ELF1: variants seen among roughly 807,000 people sequenced by gnomAD.
ELF1 encodes the protein E74 like ETS transcription factor 1, also known as ETS-related transcription factor Elf-1.
In ELF1, 24 loss-of-function variants were observed where a neutral mutation model predicts 59.9. That is an observed-to-expected ratio of 0.40 (90% confidence interval 0.29 to 0.56). The LOEUF (loss-of-function observed/expected upper bound fraction) is 0.56, where lower values mean the gene tolerates loss of function less well. Among genes scored for constraint, ELF1 ranks in the 20% least tolerant of loss-of-function variants. The pLI is 0.44. For synonymous variants in ELF1, 248 were observed against 266.2 expected, an observed-to-expected ratio of 0.93 and a Z score of 0.67; for missense variants, 627 against 742.2, an observed-to-expected ratio of 0.84 and a Z score of 1.80.
intron 3 of ELF1, among the ~76,000 whole-genome samples, chr13:40,953,622 T>G (rs1167732911): frequency 2.0e-5 from 3 of 152,236 alleles, no homozygotes; most frequent in Non-Finnish European, 4.4e-5. Context: ...ACTCAGTCTG[T>G]GGTACTTTCT....
intron 2 of ELF1, among the ~76,000 whole-genome samples, chr13:40,962,679 C>CA (rs542393144): frequency 0.046 from 3,189 of 68,992 alleles, 66 homozygotes; most frequent in African/African-American, 0.09. Flanking sequence ...AAGACTGTCT[C>CA]AAAAAAAAAA....
chr13:41,008,300 A>T (rs1287166496), intron 1 of ELF1, among the ~76,000 whole-genome samples: 1 of 152,204 alleles, frequency 6.6e-6, no homozygotes, highest in Non-Finnish European at 1.5e-5. Context: ...TCAGAATTGG[A>T]TATCTGGCAG....
intron 1 of ELF1, among the ~76,000 whole-genome samples, chr13:41,000,765 G>A (rs548666670): frequency 1.2e-4 from 18 of 152,032 alleles, no homozygotes; most frequent in Non-Finnish European, 2.4e-4. Context: ...AACATGTACA[G>A]TATACTGCTT....
At chr13:40,981,837 TATA>T (rs1873289009) in intron 2 of ELF1, 143 bp downstream of exon 2, 3 of 926,154 alleles carry the variant, frequency 3.2e-6, no homozygotes, top group Non-Finnish European at 3.1e-6. Context: ...TAAAACATAG[TATA>T]ATATTTCCTC....
At chr13:40,980,069 A>G (rs1415888279) in intron 2 of ELF1, among the ~76,000 whole-genome samples, 3 of 152,224 alleles carry the variant, frequency 2.0e-5, no homozygotes, top group Non-Finnish European at 2.9e-5. Context: ...GCTGATGGCC[A>G]CAGACTGAAG....
chr13:40,997,652 C>A (rs1874197115), intron 1 of ELF1, among the ~76,000 whole-genome samples: 1 of 151,984 alleles, frequency 6.6e-6, no homozygotes, highest in South Asian at 2.1e-4. Context: ...CTTGGCCTCC[C>A]AAGTGCTGGG....
intron 1 of ELF1, among the ~76,000 whole-genome samples, chr13:40,986,937 CTTT>C (rs1555276215): frequency 6.3e-5 from 8 of 126,880 alleles, no homozygotes; most frequent in South Asian, 2.5e-4. Flanking sequence ...AATCATTGCT[CTTT>C]TTTTTTTTTT....
chr13:40,940,775 G>T, intron 8 of ELF1, 146 bp downstream of exon 8: 1 of 831,628 alleles, frequency 1.2e-6, no homozygotes, highest in African/African-American at 1.7e-5. Context: ...AATAGTAACT[G>T]CTCCTGAAAA....
intron 1 of ELF1, chr13:40,993,436 G>A (rs1593384025): frequency 7.9e-6 from 5 of 634,118 alleles, no homozygotes; most frequent in South Asian, 3.9e-5. Context: ...AGCGGAGCCC[G>A]TTTGCTACTA....
intron 1 of ELF1, among the ~76,000 whole-genome samples, chr13:40,989,150 C>T (rs56245500): frequency 0.18 from 27,660 of 151,946 alleles, 2,698 homozygotes; most frequent in African/African-American, 0.22. Context: ...TTAAAATATG[C>T]GAATATGGAA....
chr13:40,936,908 C>T (rs772129523), intron 8 of ELF1, among the ~76,000 whole-genome samples: 23 of 152,032 alleles, frequency 1.5e-4, no homozygotes, highest in Non-Finnish European at 2.2e-4. Context: ...TGAGTGAGAT[C>T]GTGCCACTGC....
At chr13:41,006,279 G>T (rs1188790227) in intron 1 of ELF1, among the ~76,000 whole-genome samples, 1 of 152,106 alleles carries the variant, frequency 6.6e-6, no homozygotes, top group East Asian at 1.9e-4. Context: ...GCTCTCACTT[G>T]TAAATGTATT....
chr13:40,952,005 C>T (rs1395438063), intron 3 of ELF1, among the ~76,000 whole-genome samples: 1 of 152,128 alleles, frequency 6.6e-6, no homozygotes, highest in African/African-American at 2.4e-5. Context: ...CAGTTTTTTG[C>T]TTAAATCAAA....
chr13:40,941,103 A>G lies in ELF1; in HGVS notation c.1074T>C (p.Pro358=). The G allele has an allele frequency of 6.2e-7, 1 of 1,614,220 alleles. No individual in the cohort carries two copies. The highest frequency in any genetic ancestry group is 8.5e-7 in the Non-Finnish European group (1 of 1,180,044). The change falls in exon 8 of 9, where the codon CCT becomes CCC. Residue 358 remains proline (P), a synonymous_variant. Coordinates refer to ENST00000239882, the MANE Select transcript of ELF1 (RefSeq NM_172373.4). ...GNSKAAKPKD[P]VEVAQPSEVL... ...CTTCTGATGGTTGTGCAACTTCCAC[A>G]GGATCTTTGGGTTTTGCAGCTTTAG...
intron 2 of ELF1, among the ~76,000 whole-genome samples, chr13:40,976,288 A>G (rs1331846766): frequency 6.6e-6 from 1 of 152,192 alleles, no homozygotes; most frequent in Admixed American, 6.5e-5. Context: ...GAATCTGTTA[A>G]AAGTTTTGGT....
At chr13:40,951,282 G>A in intron 4 of ELF1, 47 bp downstream of exon 4, 1 of 1,408,954 alleles carries the variant, frequency 7.1e-7, no homozygotes. Flanking sequence ...AAGATGGCAA[G>A]AGTAACTTAA....
chr13:40,946,367 T>C (rs920760530), intron 5 of ELF1, among the ~76,000 whole-genome samples: 1 of 152,166 alleles, frequency 6.6e-6, no homozygotes, highest in Non-Finnish European at 1.5e-5. Context: ...ACCCCAAAAG[T>C]ACTTTGTGCC....
At chr13:41,059,177 T>C (rs1303901295) in intron 1 of ELF1, among the ~76,000 whole-genome samples, 1 of 152,252 alleles carries the variant, frequency 6.6e-6, no homozygotes, top group African/African-American at 2.4e-5. Flanking sequence ...ACAATTCTTG[T>C]AACTCTATTT....
Position 40,933,904 on chromosome 13 carries a change from T to C in ELF1, c.1381A>G (p.Thr461Ala). The C allele has an allele frequency of 6.2e-7, 1 of 1,614,260 alleles. No individual in the cohort carries two copies. Among genetic ancestry groups the C allele is most frequent in the Non-Finnish European group, 8.5e-7 (1 of 1,180,040 alleles). Reference sequence around the variant, plus strand: ...TGTAAAATAAACTTCTGAGATCCAGTACCTGCTGATGGATCTGTGCTGGCT... The same window carrying C: ...TGTAAAATAAACTTCTGAGATCCAGCACCTGCTGATGGATCTGTGCTGGCT... Reference protein sequence around the residue: ...VIASTDPSAGTGSQKFILQAI... With the variant: ...VIASTDPSAGAGSQKFILQAI... The change falls in exon 9 of 9, where the codon ACT (threonine) becomes GCT (alanine). Residue 461 changes from threonine (T) to alanine (A), a missense_variant. Thr to Ala is a moderately conservative substitution (Grantham distance 58). Transcript: ENST00000239882.
Sources: allele counts gnomAD v4.1 joint callset (sites outside exome capture counted in the v4.1 genomes callset), GRCh38; gene constraint gnomAD v4.1.1; transcripts MANE v1.5; gene names NCBI Gene and HGNC (gene_info 2026-07-23, HGNC 2026-07-21).